ATP9A: variants seen among roughly 807,000 people sequenced by gnomAD.
ATP9A encodes ATPase phospholipid transporting 9A.
A neutral mutation model predicts 144.1 loss-of-function variants in ATP9A; 52 were observed. The ratio of observed to expected loss-of-function variants is 0.36; its 90% confidence interval spans 0.29 to 0.45. The LOEUF (loss-of-function observed/expected upper bound fraction) is 0.45, where lower values mean the gene tolerates loss of function less well. ATP9A is among the 20% of genes least tolerant of loss of function. The probability of loss-of-function intolerance (pLI) is 1.00; values close to 1 mark genes in which losing one functional copy is unlikely to be tolerated. For missense variants in ATP9A, 947 were observed against 1,392.7 expected, an observed-to-expected ratio of 0.68 and a Z score of 5.09; for synonymous variants, 582 against 557.4, an observed-to-expected ratio of 1.04 and a Z score of -0.62.
intron 9 of ATP9A, among the ~76,000 whole-genome samples, chr20:51,688,453 G>A (rs959459452): frequency 2.6e-5 from 4 of 152,128 alleles, no homozygotes; most frequent in South Asian, 2.1e-4. Context: ...ATTAGCCAGC[G>A]TGGTGGTGCG....
chr20:51,644,737 TTAAG>T (rs535962545), intron 14 of ATP9A, among the ~76,000 whole-genome samples: 112 of 152,292 alleles, frequency 7.4e-4, no homozygotes, highest in African/African-American at 2.6e-3. Flanking sequence ...TATATACCTA[TTAAG>T]TAATAAAGTA....
chr20:51,681,953 T>C (rs1208966251), intron 9 of ATP9A, among the ~76,000 whole-genome samples: 1 of 152,052 alleles, frequency 6.6e-6, no homozygotes, highest in Non-Finnish European at 1.5e-5. Context: ...GTAGCCAAGG[T>C]GGTGGTTACC....
Position 51,605,015 on chromosome 20 carries a change from T to C in ATP9A, c.2809A>G (p.Thr937Ala), listed in dbSNP as rs2077157766. Residue 937 changes from threonine to alanine, a missense_variant, in exon 27 of 28, where the codon ACC (threonine) becomes GCC (alanine). Transcript: ENST00000338821. The stretch of plus-strand genomic sequence containing the variant: ...AGCAGCAGCGCCCCGTACATGATGG[T>C]GCTCCCTGCAAACACCAGAGAAGGG... ...WVLISIYQGS[T>A]IMYGALLLFE... The C allele has an allele frequency of 1.2e-6, 2 of 1,605,740 alleles. No homozygotes were observed. The highest frequency in any genetic ancestry group is 1.7e-6 in the Non-Finnish European group (2 of 1,176,034).
At chr20:51,610,021 T>C in intron 24 of ATP9A, 80 bp downstream of exon 24, 6 of 1,341,838 alleles carry the variant, frequency 4.5e-6, no homozygotes, top group Non-Finnish European at 6.3e-6. Flanking sequence ...CCAAGAATTT[T>C]TCCACCACGT....
intron 1 of ATP9A, among the ~76,000 whole-genome samples, chr20:51,762,605 G>A (rs1198313415): frequency 3.3e-5 from 5 of 151,638 alleles, no homozygotes; most frequent in African/African-American, 1.2e-4. Flanking sequence ...GTTGCAGTGA[G>A]TAGAGATCAT....
At chr20:51,734,339 C>T (rs1388979303) in intron 1 of ATP9A, among the ~76,000 whole-genome samples, 1 of 152,136 alleles carries the variant, frequency 6.6e-6, no homozygotes, top group Non-Finnish European at 1.5e-5. Context: ...GACCCAATCA[C>T]CTCCTCAGTG....
intron 1 of ATP9A, among the ~76,000 whole-genome samples, chr20:51,743,881 C>A (rs552645441): frequency 2.0e-5 from 3 of 151,590 alleles, no homozygotes; most frequent in African/African-American, 7.2e-5. Context: ...GTGGCAAACA[C>A]CTGTAGTCCC....
In ATP9A at chr20:51,690,754, C is replaced by T. The variant is rs1308569053; in HGVS notation, c.708G>A (p.Val236=). ...EEPNIDIHNF[V]GTFTREDSDP... ...GCTCACTTACTCGGGTAAAAGTTCC[C>T]ACGAAGTTGTGAATGTCAATATTTG... is the stretch of plus-strand genomic sequence containing the variant. Residue 236 remains valine, a synonymous_variant, in exon 8 of 28, where the codon GTG becomes GTA. Transcript: ENST00000338821. 6.2e-7 allele frequency: 1 copy of T among 1,613,984 alleles called. No homozygotes were observed. Among genetic ancestry groups the T allele is most frequent in the Non-Finnish European group, 8.5e-7 (1 of 1,179,978 alleles).
At chr20:51,672,599 C>G (rs978618066) in intron 11 of ATP9A, among the ~76,000 whole-genome samples, 8 of 152,154 alleles carry the variant, frequency 5.3e-5, no homozygotes, top group South Asian at 2.1e-4. Context: ...AAACGACAAT[C>G]TCTGTCCCCA....
chr20:51,680,352 T>G (rs1328229270), intron 9 of ATP9A, among the ~76,000 whole-genome samples: 1 of 151,468 alleles, frequency 6.6e-6, no homozygotes, highest in East Asian at 1.9e-4. Flanking sequence ...AACTGGTCCC[T>G]CTCCACTAAA....
At chr20:51,693,270 G>C (rs897113062) in intron 7 of ATP9A, among the ~76,000 whole-genome samples, 1 of 152,250 alleles carries the variant, frequency 6.6e-6, no homozygotes, top group African/African-American at 2.4e-5. Flanking sequence ...CAAAAGCTCA[G>C]TGGAGTGCGG....
intron 15 of ATP9A, among the ~76,000 whole-genome samples, chr20:51,635,585 G>A (rs2077287319): frequency 6.6e-6 from 1 of 151,576 alleles, no homozygotes. Flanking sequence ...TAAACGATAA[G>A]AATTAGCAGA....
intron 23 of ATP9A, among the ~76,000 whole-genome samples, chr20:51,613,445 T>G (rs1332139240): frequency 6.6e-6 from 1 of 152,224 alleles, no homozygotes; most frequent in Non-Finnish European, 1.5e-5. Flanking sequence ...GGGAGGAATC[T>G]TGAGCACCAA....
chr20:51,754,473 G>A (rs2077847410), intron 1 of ATP9A, among the ~76,000 whole-genome samples: 1 of 151,146 alleles, frequency 6.6e-6, no homozygotes, highest in Admixed American at 6.6e-5. Context: ...ATTGCACTCT[G>A]GCATGGGCAA....
intron 3 of ATP9A, among the ~76,000 whole-genome samples, chr20:51,724,804 C>A (rs985643499): frequency 2.0e-5 from 3 of 152,204 alleles, no homozygotes; most frequent in Non-Finnish European, 2.9e-5. Context: ...TGCTACACAT[C>A]GCATGCACAA....
chr20:51,740,729 C>T (rs1390276014), intron 1 of ATP9A, among the ~76,000 whole-genome samples: 5 of 150,258 alleles, frequency 3.3e-5, no homozygotes, highest in Non-Finnish European at 7.4e-5. Context: ...CCACCACTCC[C>T]GGATAATTTT....
chr20:51,670,451 A>AC (rs1485984448), intron 12 of ATP9A, among the ~76,000 whole-genome samples: 4 of 152,140 alleles, frequency 2.6e-5, no homozygotes, highest in African/African-American at 9.7e-5. Context: ...AAGGATTCTG[A>AC]CCCTTGAGTA....
At chr20:51,659,681 G>C (rs1459786076) in intron 13 of ATP9A, among the ~76,000 whole-genome samples, 1 of 152,162 alleles carries the variant, frequency 6.6e-6, no homozygotes, top group Admixed American at 6.5e-5. Flanking sequence ...TTTAAAATGA[G>C]TCGCACTTTA....
At chr20:51,739,979 C>T (rs2077778221) in intron 1 of ATP9A, among the ~76,000 whole-genome samples, 1 of 152,178 alleles carries the variant, frequency 6.6e-6, no homozygotes, top group Non-Finnish European at 1.5e-5. Context: ...TTCACCCACC[C>T]CTGGACTTTC....
Sources: gnomAD v4.1 joint callset for allele counts (sites outside exome capture counted in the v4.1 genomes callset) on GRCh38, gnomAD v4.1.1 for gene constraint, MANE v1.5 for transcripts, NCBI Gene and HGNC (gene_info 2026-07-23, HGNC 2026-07-21) for gene names.